The following MED1 variants were observed in gnomAD, a reference collection of about 807,000 sequenced individuals.
MED1 encodes mediator of RNA polymerase II transcription subunit 1.
A neutral mutation model predicts 121.3 loss-of-function variants in MED1; 17 were observed. The ratio of observed to expected loss-of-function variants is 0.14; its 90% CI spans 0.10 to 0.21. The LOEUF (loss-of-function observed/expected upper bound fraction) is 0.21, where lower values mean the gene tolerates loss of function less well. MED1 is among the 10% of genes least tolerant of loss of function. The pLI is 1.00. For synonymous variants in MED1, 661 were observed against 694.4 expected (o/e 0.95, Z 0.76); for missense variants, 1,558 against 1,919.4 (o/e 0.81, Z 3.52).
At position 39,407,825 on chromosome 17, in the gene MED1, C is replaced by G; in HGVS notation, c.4396G>C (p.Glu1466Gln). The G allele has an allele frequency of 1.2e-6, 2 of 1,614,146 alleles. No homozygotes were observed. Among genetic ancestry groups the G allele is most frequent in the Non-Finnish European group, 1.7e-6 (2 of 1,180,034 alleles). The part of the protein sequence containing the change: ...YTPQNLDSES[E>Q]SGSSIAEKSY... ...TTCTCTGCTATGGAGGAGCCTGACT[C>G]ACTTTCACTGTCCAGATTCTGGGGG... Residue 1466 changes from glutamate to glutamine, a missense_variant, in exon 17 of 17, where the codon GAG becomes CAG. Transcript: ENST00000300651.
intron 10 of MED1, among the ~76,000 whole-genome samples, chr17:39,426,939 T>C (rs530676983): frequency 1.3e-5 from 2 of 152,008 alleles, no homozygotes; most frequent in East Asian, 3.9e-4. Flanking sequence ...GATCAGTAAC[T>C]CACTACGTTG....
chr17:39,435,307 C>T (rs2048607976), intron 6 of MED1, among the ~76,000 whole-genome samples: 1 of 151,198 alleles, frequency 6.6e-6, no homozygotes, highest in South Asian at 2.1e-4. Flanking sequence ...GGCAAAATAC[C>T]CATTAGAAAA....
At chr17:39,444,241 G>T (rs778284241) in intron 2 of MED1, among the ~76,000 whole-genome samples, 1 of 152,152 alleles carries the variant, frequency 6.6e-6, no homozygotes, top group Non-Finnish European at 1.5e-5. Context: ...GGGTGCGGTG[G>T]CTCACACCTG....
intron 1 of MED1, among the ~76,000 whole-genome samples, chr17:39,448,540 C>T (rs1597877856): frequency 1.8e-5 from 2 of 110,488 alleles, no homozygotes; most frequent in Non-Finnish European, 3.5e-5. Context: ...CAGAGGGAGA[C>T]ATTGTGTCAA....
intron 9 of MED1, among the ~76,000 whole-genome samples, chr17:39,429,519 A>G (rs2048545014): frequency 6.6e-6 from 1 of 151,688 alleles, no homozygotes; most frequent in African/African-American, 2.4e-5. Flanking sequence ...AACATGGTGA[A>G]ACCCTGTCTC....
chr17:39,443,471 C>T (rs1263385529), intron 3 of MED1, 79 bp downstream of exon 3: 4 of 1,260,252 alleles, frequency 3.2e-6, no homozygotes, highest in Admixed American at 1.9e-5. Flanking sequence ...CAATTTTTTA[C>T]TTCTAGTTTA....
At chr17:39,430,424 G>C (rs924049583) in intron 9 of MED1, among the ~76,000 whole-genome samples, 1 of 151,932 alleles carries the variant, frequency 6.6e-6, no homozygotes, top group African/African-American at 2.4e-5. Context: ...AGGCGCAGTG[G>C]CTCATGCCTG....
At chr17:39,417,444 C>T (rs1398168854) in intron 14 of MED1, among the ~76,000 whole-genome samples, 4 of 151,514 alleles carry the variant, frequency 2.6e-5, no homozygotes, top group South Asian at 4.2e-4. Context: ...CTGGCCAACA[C>T]GGTGACACCC....
At position 39,434,323 on chromosome 17, in the gene MED1, A is replaced by G. The variant is rs1475052261; in HGVS notation, c.429-3T>C. 2 of 1,525,646 alleles carry G rather than the reference A, an allele frequency of 1.3e-6. No individual in the cohort carries two copies. The highest frequency in any genetic ancestry group is 1.8e-6 in the Non-Finnish European group (2 of 1,124,860). 94.5% of individuals were successfully genotyped at this position (1,525,646 alleles called of 1,614,324 possible). On this transcript the variant is annotated splice_region_variant and splice_polypyrimidine_tract_variant and intron_variant, in intron 6 of 16. Coordinates refer to ENST00000300651, the MANE Select transcript of MED1 (RefSeq NM_004774.4). Reference sequence around the variant, plus strand: ...AAAATTCATCAAAATTTTTTTCCCTATAAGGAGTTCAGGGAAGAGGGGAAA... The same window carrying G: ...AAAATTCATCAAAATTTTTTTCCCTGTAAGGAGTTCAGGGAAGAGGGGAAA...
chr17:39,417,984 G>A (rs555531746), intron 14 of MED1, among the ~76,000 whole-genome samples: 1 of 149,888 alleles, frequency 6.7e-6, no homozygotes, highest in African/African-American at 2.4e-5. Context: ...TTAGCCAGAG[G>A]CTGACGCAGG....
intron 3 of MED1, among the ~76,000 whole-genome samples, chr17:39,442,073 A>C (rs1309747525): frequency 6.6e-6 from 1 of 151,412 alleles, no homozygotes; most frequent in African/African-American, 2.4e-5. Context: ...ACTGCACTCC[A>C]GCCTGGACGA....
At position 39,427,587 on chromosome 17, in the gene MED1, G is replaced by C. The variant is rs1475624262; in HGVS notation, c.739+114C>G. The C allele has an allele frequency of 7.4e-6, 5 of 679,972 alleles. No individual in the cohort carries two copies. In the South Asian group the frequency reaches 9.2e-5, roughly 12 times the overall value. 42.1% of individuals were successfully genotyped at this position (679,972 alleles called of 1,614,324 possible). A position where few individuals can be genotyped will look rare whatever the true frequency, so the allele number is the denominator to read the frequency against. On this transcript the variant is annotated intron_variant, in intron 10 of 16. Coordinates refer to ENST00000300651, the MANE Select transcript of MED1 (RefSeq NM_004774.4). The stretch of plus-strand genomic sequence containing the variant: ...CATATACGTGTGTGAGGTGTTGTGT[G>C]TATAAGGTGCAAATGGTAAGGTCAA...
In MED1 at chr17:39,408,430, T is replaced by C; in HGVS notation, c.3791A>G (p.Asn1264Ser). The change falls in exon 17 of 17, where the codon AAT (asparagine) becomes AGT (serine). Residue 1264 changes from asparagine (N) to serine (S), a missense_variant. Around this residue, in one of 5 missense-constraint regions of MED1, gnomAD observed 793 missense variants for 898.2 expected, o/e 0.88. Coordinates refer to ENST00000300651, the MANE Select transcript of MED1 (RefSeq NM_004774.4). The surrounding 1 kb of genome is among the most constrained non-coding windows in gnomAD (Gnocchi z 4.7). ...SLSQKTPPSS[N>S]SCTASSSSFS... ...GGAGGAGGAAGATGCCGTACAGGAA[T>C]TAGATGATGGGGGAGTTTTCTGGGA... The C allele has an allele frequency of 1.2e-6, 2 of 1,614,036 alleles. No individual in the cohort carries two copies. Among genetic ancestry groups the C allele is most frequent in the Non-Finnish European group, 8.5e-7 (1 of 1,180,002 alleles).
chr17:39,414,571 G>A (rs375019635), intron 16 of MED1, among the ~76,000 whole-genome samples: 14 of 142,328 alleles, frequency 9.8e-5, no homozygotes, highest in East Asian at 6.5e-4. Flanking sequence ...TCCTGACCTC[G>A]TGATCCACCC....
rs745779960 is a variant in MED1 at position 39,439,185 on chromosome 17, C to T, written c.408G>A (p.Pro136=). ...AHHGENPVSC[P]ELVQQLREKN... Reference sequence around the variant, plus strand: ...CTCACCTTAGCTGCTGTACAAGCTCCGGACAGCTCTGAAATCAAAGAAAAT... The same window carrying T: ...CTCACCTTAGCTGCTGTACAAGCTCTGGACAGCTCTGAAATCAAAGAAAAT... Residue 136 remains proline (P), a synonymous_variant, in exon 6 of 17, where the codon CCG becomes CCA. Coordinates refer to ENST00000300651, the MANE Select transcript of MED1 (RefSeq NM_004774.4). 11 of 1,587,322 alleles carry T rather than the reference C, an allele frequency of 6.9e-6. No individual in the cohort carries two copies. The highest frequency in any genetic ancestry group is 8.5e-6 in the Non-Finnish European group (10 of 1,174,108).
intron 8 of MED1, among the ~76,000 whole-genome samples, chr17:39,431,454 T>C (rs1290677711): frequency 1.3e-5 from 2 of 152,002 alleles, no homozygotes; most frequent in East Asian, 1.9e-4. Context: ...ATTTTTTGTA[T>C]TTTTAGTAGA....
chr17:39,446,467 A>C (rs1379325563), intron 2 of MED1, among the ~76,000 whole-genome samples: 1 of 148,114 alleles, frequency 6.8e-6, no homozygotes, highest in Non-Finnish European at 1.5e-5. Context: ...AAAAAAAAAA[A>C]ACGATTTCTA....
Position 39,407,688 on chromosome 17 carries a change from ATCTTTG to A in MED1, c.4527_4532del (p.Lys1510_Asp1511del), listed in dbSNP as rs776883799. Reference sequence around the variant, plus strand: ...GGTCTTTGTCCCGGTCTCGGTCCCTATCTTTGTCTTTTACTTTCTTCTTTTCCTTTT... The same window carrying A: ...GGTCTTTGTCCCGGTCTCGGTCCCTATCTTTTACTTTCTTCTTTTCCTTTT... On this transcript the variant is annotated inframe_deletion, in exon 17 of 17. Coordinates refer to ENST00000300651, the MANE Select transcript of MED1 (RefSeq NM_004774.4). The A allele has an allele frequency of 6.2e-6, 10 of 1,613,740 alleles. No homozygotes were observed. In the South Asian group the frequency reaches 8.8e-5, roughly 14 times the overall value.
chr17:39,441,628 G>A (rs1350590472), intron 3 of MED1, among the ~76,000 whole-genome samples: 1 of 151,882 alleles, frequency 6.6e-6, no homozygotes, highest in African/African-American at 2.4e-5. Flanking sequence ...AAATTAGCCA[G>A]GTGTGGTGGT....
Sources: allele counts gnomAD v4.1 joint callset (sites outside exome capture counted in the v4.1 genomes callset), GRCh38; gene constraint gnomAD v4.1.1; regional missense constraint gnomAD v4.1.1; non-coding constraint Gnocchi (gnomAD v3.1); transcripts MANE v1.5; gene names NCBI Gene and HGNC (gene_info 2026-07-23, HGNC 2026-07-21).